The following CAMKK1 variants were observed in gnomAD, a reference collection of about 807,000 sequenced individuals.
CAMKK1 encodes calcium/calmodulin-dependent protein kinase kinase 1.
Under a neutral mutation model 63.5 loss-of-function variants are expected in CAMKK1, and 20 were observed. The observed-to-expected ratio is 0.32, with a 90% CI of 0.22 to 0.46. The LOEUF is 0.46. Ranked by LOEUF, CAMKK1 falls within the 20% of genes least tolerant of loss-of-function variation. CAMKK1 has a pLI of 1.00. For missense variants in CAMKK1, 588 were observed against 658.1 expected, an observed-to-expected ratio of 0.89 and a Z score of 1.17; for synonymous variants, 253 against 269.0, an observed-to-expected ratio of 0.94 and a Z score of 0.58.
rs1324578363 is a variant in CAMKK1 at position 3,882,432 on chromosome 17, G to T, written c.685+96C>A. The T allele has an allele frequency of 1.4e-5, 22 of 1,579,666 alleles. No homozygotes were observed. Among genetic ancestry groups the T allele is most frequent in the Non-Finnish European group, 1.9e-5 (22 of 1,149,256 alleles). On this transcript the variant is annotated intron_variant, in intron 7 of 15. Transcript: ENST00000348335. This position sits in a 1 kb window ranked among gnomAD's most constrained non-coding sequence, Gnocchi z 4.3. ...TTTCTTCTGTCCCCAGGAGGTCAGTGCATTTACACCGCCCACCTGAAGGTC... is the reference window on the plus strand; with the variant it reads ...TTTCTTCTGTCCCCAGGAGGTCAGTTCATTTACACCGCCCACCTGAAGGTC...
Position 3,872,603 on chromosome 17 carries a change from G to A in CAMKK1, c.1075C>T (p.Leu359=). The A allele has an allele frequency of 1.9e-6, 3 of 1,614,030 alleles. No individual in the cohort carries two copies. Among genetic ancestry groups the A allele is most frequent in the Non-Finnish European group, 1.7e-6 (2 of 1,179,884 alleles). The change falls in exon 12 of 16, where the codon CTG becomes TTG. Residue 359 remains leucine, a synonymous_variant. Transcript: ENST00000348335. ...TTCTTGATCTTCCTGTGGAGGGCCA[G>A]GATGAAATCGTCGATGAATGGGCAC... ...GKCPFIDDFI[L]ALHRKIKNEP...
intron 12 of CAMKK1, among the ~76,000 whole-genome samples, chr17:3,871,280 G>A (rs2054833479): frequency 6.6e-6 from 1 of 151,620 alleles, no homozygotes; most frequent in Admixed American, 6.6e-5. Flanking sequence ...AAGAGAGCAG[G>A]AGTCGCTGAG....
chr17:3,869,268 A>G (rs1301374355), intron 14 of CAMKK1, among the ~76,000 whole-genome samples: 4 of 152,072 alleles, frequency 2.6e-5, no homozygotes, highest in Non-Finnish European at 5.9e-5. Context: ...CACGCCCGCT[A>G]TTTCTTTAAA....
rs187794395 is a variant in CAMKK1, at chr17:3,861,764, C to T, written c.*447G>A. On this transcript the variant is annotated 3_prime_UTR_variant, in exon 16 of 16. Coordinates refer to ENST00000348335, the MANE Select transcript of CAMKK1 (RefSeq NM_032294.3). The stretch of plus-strand genomic sequence containing the variant: ...CCACCACCCCAAGGTGGGCAGGGTA[C>T]CCCCCTCTCCACCATATGCCTGTGG... 845 of 191,760 alleles carry T rather than the reference C, an allele frequency of 4.4e-3. 5 individuals are homozygous for T. The highest frequency in any genetic ancestry group is 7.2e-3 in the Non-Finnish European group (658 of 91,314). The allele number at this position is 191,760 out of a possible 1,614,324, so 11.9% of individuals were successfully genotyped here.
chr17:3,871,598 C>G (rs140194483), intron 12 of CAMKK1, among the ~76,000 whole-genome samples: 86 of 148,950 alleles, frequency 5.8e-4, no homozygotes, highest in Non-Finnish European at 7.2e-4. Flanking sequence ...CCTCGTGATC[C>G]GCCCTCCTTG....
intron 14 of CAMKK1, 99 bp downstream of exon 14, chr17:3,869,388 C>G: frequency 6.6e-7 from 1 of 1,508,064 alleles, no homozygotes; most frequent in Admixed American, 2.0e-5. Flanking sequence ...AGCTGGCTGG[C>G]CAGGCAGGCC....
chr17:3,871,302 T>C (rs936509591), intron 12 of CAMKK1, among the ~76,000 whole-genome samples: 4 of 150,896 alleles, frequency 2.7e-5, no homozygotes, highest in Admixed American at 6.6e-5. Flanking sequence ...ACAAGTCCCG[T>C]TTCATTTTCT....
chr17:3,863,950 T>C (rs1052647173), intron 15 of CAMKK1, among the ~76,000 whole-genome samples: 88 of 151,322 alleles, frequency 5.8e-4, no homozygotes, highest in Non-Finnish European at 1.2e-3. Context: ...TTATTATTAC[T>C]TTTTTTTCTT....
At position 3,862,196 on chromosome 17, in the gene CAMKK1, G is replaced by A. The variant is rs2054350627; in HGVS notation, c.*15C>T. ...ATGAGTGTGCTGCCGGGTGGCCCTG[G>A]GTGCATGCAGGGGCTCAGGATGCAG... On this transcript the variant is annotated 3_prime_UTR_variant, in exon 16 of 16. Transcript: ENST00000348335. This position sits in a 1 kb window ranked among gnomAD's most constrained non-coding sequence, Gnocchi z 4.1. The A allele has an allele frequency of 8.3e-6, 13 of 1,573,894 alleles. No individual in the cohort carries two copies. Among genetic ancestry groups the A allele is most frequent in the Non-Finnish European group, 1.0e-5 (12 of 1,159,362 alleles).
chr17:3,871,677 T>C (rs1330535566), intron 12 of CAMKK1, among the ~76,000 whole-genome samples: 2 of 128,648 alleles, frequency 1.6e-5, no homozygotes, highest in East Asian at 2.2e-4. Context: ...CTTTCTTCTG[T>C]TTTTTTTTTT....
At chr17:3,869,712 C>G (rs182616553) in intron 13 of CAMKK1, 89 bp downstream of exon 13, 1 of 1,595,958 alleles carries the variant, frequency 6.3e-7, no homozygotes, top group Non-Finnish European at 8.6e-7. Context: ...ACCCAACACA[C>G]ATGCATCCTG....
Position 3,869,784 on chromosome 17 carries a change from AC to A in CAMKK1, c.1212+16del, listed in dbSNP as rs982612961. The stretch of plus-strand genomic sequence containing the variant: ...TTTCTGTGTCCCAGCCCAGCCCAAG[AC>A]CCCCAGTTCCCCGACCTTGATGTCT... On this transcript the variant is annotated intron_variant, in intron 13 of 15. Transcript: ENST00000348335. The A allele has an allele frequency of 6.3e-7, 1 of 1,599,824 alleles. No homozygotes were observed. Among genetic ancestry groups the A allele is most frequent in the Non-Finnish European group, 8.6e-7 (1 of 1,167,552 alleles).
Position 3,874,949 on chromosome 17 carries a change from G to A in CAMKK1, c.996+1274C>T, listed in dbSNP as rs987242346. ...ATCCTGGCTAACACGGTGAAACCCCGTCTCTACTAAAAAATACAAAAAATT... is the reference window on the plus strand; with the variant it reads ...ATCCTGGCTAACACGGTGAAACCCCATCTCTACTAAAAAATACAAAAAATT... On this transcript the variant is annotated intron_variant, in intron 10 of 15. Transcript: ENST00000348335. 5.9e-5 allele frequency among the ~76,000 whole-genome samples: 9 copies of A among 151,670 alleles called. No homozygotes were observed. In the East Asian group the frequency reaches 6.0e-4, roughly 10 times the overall value.
Position 3,882,692 on chromosome 17 carries a change from G to A in CAMKK1, c.649-128C>T. ...GCAACCACCCCAGACAAGGAAGCAG[G>A]AAGTGTACAGGTGGTGCCAGACTGA... On this transcript the variant is annotated intron_variant, in intron 6 of 15. Transcript: ENST00000348335. This position sits in a 1 kb window ranked among gnomAD's most constrained non-coding sequence, Gnocchi z 4.3. 1 of 914,804 alleles carries A rather than the reference G, an allele frequency of 1.1e-6. No individual in the cohort carries two copies. The highest frequency in any genetic ancestry group is 1.7e-6 in the Non-Finnish European group (1 of 581,724). The allele number at this position is 914,804 out of a possible 1,614,324, so 56.7% of individuals were successfully genotyped here. A position where few individuals can be genotyped will look rare whatever the true frequency, so the allele number is the denominator to read the frequency against.
At chr17:3,868,910 C>T (rs2054701364) in intron 14 of CAMKK1, among the ~76,000 whole-genome samples, 1 of 152,050 alleles carries the variant, frequency 6.6e-6, no homozygotes, top group African/African-American at 2.4e-5. Context: ...GCCTCGGCCT[C>T]CCAAAGTGCT....
At position 3,869,586 on chromosome 17, in the gene CAMKK1, C is replaced by A. The variant is rs1475008148; in HGVS notation, c.1242G>T (p.Glu414Asp). The A allele has an allele frequency of 1.2e-6, 2 of 1,614,100 alleles. No homozygotes were observed. The highest frequency in any genetic ancestry group is 1.7e-6 in the Non-Finnish European group (2 of 1,180,040). ...KLHPWVTKNG[E>D]EPLPSEEEHC... ...GCTCCTCCTCCGAAGGAAGGGGCTCCTCCCCGTTCTTGGTCACCCAAGGGT... is the reference window on the plus strand; with the variant it reads ...GCTCCTCCTCCGAAGGAAGGGGCTCATCCCCGTTCTTGGTCACCCAAGGGT... Residue 414 changes from glutamate (E) to aspartate (D), a missense_variant, in exon 14 of 16, where the codon GAG becomes GAT. Glu to Asp is a conservative substitution (Grantham distance 45). This residue lies in a region of CAMKK1 where 226 missense variants were observed against 229.2 expected (regional missense o/e 0.99). Coordinates refer to ENST00000348335, the MANE Select transcript of CAMKK1 (RefSeq NM_032294.3).
chr17:3,864,033 ACCTCCACCTCC>A (rs2054416461), intron 15 of CAMKK1, among the ~76,000 whole-genome samples: 1 of 150,306 alleles, frequency 6.7e-6, no homozygotes, highest in Non-Finnish European at 1.5e-5. Flanking sequence ...GCTCACTGCA[ACCTCCACCTCC>A]CAGACTCAAG....
intron 1 of CAMKK1, among the ~76,000 whole-genome samples, chr17:3,891,461 G>A (rs1335103829): frequency 6.6e-6 from 1 of 152,220 alleles, no homozygotes; most frequent in Non-Finnish European, 1.5e-5. Context: ...GACACCTGAA[G>A]GAAGGAAGGG....
rs1293944385 is a variant in CAMKK1 at position 3,890,860 on chromosome 17, T to C, written c.-44+2079A>G. ...AGCCCTCCTTGATCTCCCCACTACC[T>C]GCTGGGTGAGCTCACCAAGTCAAAC... On this transcript the variant is annotated intron_variant, in intron 1 of 15. Coordinates refer to ENST00000348335, the MANE Select transcript of CAMKK1 (RefSeq NM_032294.3). This position sits in a 1 kb window ranked among gnomAD's most constrained non-coding sequence, Gnocchi z 6.5. 2.7e-6 allele frequency: 2 copies of C among 739,472 alleles called. No individual in the cohort carries two copies. The highest frequency in any genetic ancestry group is 5.1e-6 in the Non-Finnish European group (2 of 395,208). The allele number at this position is 739,472 out of a possible 1,614,324, so 45.8% of individuals were successfully genotyped here.
Sources: allele counts gnomAD v4.1 joint callset (sites outside exome capture counted in the v4.1 genomes callset), GRCh38; gene constraint gnomAD v4.1.1; regional missense constraint gnomAD v4.1.1; non-coding constraint Gnocchi (gnomAD v3.1); transcripts MANE v1.5; gene names NCBI Gene and HGNC (gene_info 2026-07-23, HGNC 2026-07-21).